MTHFD2L: variants seen among roughly 807,000 people sequenced by gnomAD.
MTHFD2L encodes the protein methylenetetrahydrofolate dehydrogenase (NADP+ dependent) 2 like, also known as bifunctional methylenetetrahydrofolate dehydrogenase/cyclohydrolase 2, mitochondrial.
Under a neutral mutation model 34.9 loss-of-function variants are expected in MTHFD2L, and 29 were observed. The ratio of observed to expected loss-of-function variants is 0.83; its 90% confidence interval spans 0.62 to 1.13. The LOEUF (loss-of-function observed/expected upper bound fraction) is 1.13, where lower values mean the gene tolerates loss of function less well. Among genes scored for constraint, MTHFD2L ranks in the 50% most tolerant of loss-of-function variants. MTHFD2L has a pLI of 0.00. For missense variants in MTHFD2L, 481 were observed against 446.5 expected, an observed-to-expected ratio of 1.08 and a Z score of -0.70; for synonymous variants, 167 against 155.7, an observed-to-expected ratio of 1.07 and a Z score of -0.54.
intron 5 of MTHFD2L, among the ~76,000 whole-genome samples, chr4:74,222,852 T>G (rs529402218): frequency 6.6e-6 from 1 of 152,022 alleles, no homozygotes; most frequent in African/African-American, 2.4e-5. Context: ...TTTTTTTACA[T>G]GAATCATTTG....
intron 3 of MTHFD2L, among the ~76,000 whole-genome samples, chr4:74,198,792 A>C (rs1305083169): frequency 6.6e-6 from 1 of 152,094 alleles, no homozygotes; most frequent in African/African-American, 2.4e-5. Flanking sequence ...CTTTCCAAAG[A>C]CTCAGTTTCT....
chr4:74,267,818 G>C, intron 6 of MTHFD2L: 1 of 985,338 alleles, frequency 1.0e-6, no homozygotes. Flanking sequence ...CAAGGCAGAA[G>C]GTGATGGAAC....
At chr4:74,255,164 AT>A (rs1743862002) in intron 6 of MTHFD2L, among the ~76,000 whole-genome samples, 3 of 146,524 alleles carry the variant, frequency 2.0e-5, no homozygotes, top group African/African-American at 7.4e-5. Context: ...AAAAAAAAGA[AT>A]TAGTTAATGG....
At chr4:74,222,975 A>G (rs922680728) in intron 5 of MTHFD2L, among the ~76,000 whole-genome samples, 11 of 152,104 alleles carry the variant, frequency 7.2e-5, no homozygotes, top group African/African-American at 2.2e-4. Flanking sequence ...ATGTTTATAC[A>G]TCATTGGTGG....
chr4:74,128,487 T>G (rs565721258), intron 1 of MTHFD2L, among the ~76,000 whole-genome samples: 1 of 152,268 alleles, frequency 6.6e-6, no homozygotes, highest in South Asian at 2.1e-4. Flanking sequence ...CTTCCCCCAT[T>G]GTCTATTCTT....
chr4:74,159,713 G>A (rs1287954037), intron 1 of MTHFD2L, among the ~76,000 whole-genome samples: 1 of 152,138 alleles, frequency 6.6e-6, no homozygotes, highest in East Asian at 1.9e-4. Flanking sequence ...TACACATAAT[G>A]ACCTCTTTAT....
At chr4:74,204,628 ATTT>A (rs1284420409) in intron 5 of MTHFD2L, among the ~76,000 whole-genome samples, 1 of 152,174 alleles carries the variant, frequency 6.6e-6, no homozygotes, top group African/African-American at 2.4e-5. Flanking sequence ...TTTACAATAT[ATTT>A]TTAATAGGTA....
intron 6 of MTHFD2L, chr4:74,280,278 A>G (rs1327432009): frequency 6.6e-6 from 1 of 152,134 alleles, no homozygotes; most frequent in Non-Finnish European, 1.5e-5. Flanking sequence ...CAGTCCAAGC[A>G]TTAAGAGGCT....
intron 1 of MTHFD2L, among the ~76,000 whole-genome samples, chr4:74,173,099 A>G (rs906245294): frequency 4.6e-5 from 7 of 151,990 alleles, no homozygotes; most frequent in South Asian, 2.1e-4. Flanking sequence ...ATTTACCTAC[A>G]TTTGATGTTT....
chr4:74,252,347 G>A (rs559220147), intron 6 of MTHFD2L, among the ~76,000 whole-genome samples: 2 of 152,262 alleles, frequency 1.3e-5, no homozygotes, highest in Admixed American at 1.3e-4. Context: ...TGTAGGATGA[G>A]ATATCTCGGG....
intron 6 of MTHFD2L, chr4:74,266,824 A>G: frequency 1.0e-6 from 1 of 984,574 alleles, no homozygotes; most frequent in Non-Finnish European, 1.2e-6. Flanking sequence ...TTGTAGGAGA[A>G]GGGAAAATCT....
upstream of MTHFD2L, chr4:74,157,035 A>G (rs1458540732): frequency 1.3e-5 from 2 of 152,198 alleles, no homozygotes; most frequent in Non-Finnish European, 2.9e-5. Flanking sequence ...GCATGGCAGA[A>G]GTTTAAATTG....
At chr4:74,207,732 C>T (rs1735586541) in intron 5 of MTHFD2L, among the ~76,000 whole-genome samples, 1 of 147,762 alleles carries the variant, frequency 6.8e-6, no homozygotes, top group African/African-American at 2.5e-5. Context: ...AATGCCTTCC[C>T]TTTGTGAGAA....
At chr4:74,278,578 C>T (rs1217515130) in intron 6 of MTHFD2L, among the ~76,000 whole-genome samples, 1 of 152,038 alleles carries the variant, frequency 6.6e-6, no homozygotes, top group East Asian at 1.9e-4. Flanking sequence ...TTTCTGGGGC[C>T]CGATCAAGCA....
chr4:74,245,345 A>G (rs1253494966), intron 6 of MTHFD2L, among the ~76,000 whole-genome samples: 1 of 151,950 alleles, frequency 6.6e-6, no homozygotes, highest in Non-Finnish European at 1.5e-5. Context: ...ATTTATTTTA[A>G]CATGTAATAG....
At chr4:74,289,218 G>A (rs557875543) in intron 7 of MTHFD2L, among the ~76,000 whole-genome samples, 2 of 152,296 alleles carry the variant, frequency 1.3e-5, no homozygotes, top group East Asian at 1.9e-4. Flanking sequence ...AGATAAGAGG[G>A]CTAGAGAATG....
intron 2 of MTHFD2L, among the ~76,000 whole-genome samples, chr4:74,116,174 C>A (rs771526355): frequency 6.6e-6 from 1 of 152,148 alleles, no homozygotes; most frequent in Non-Finnish European, 1.5e-5. Flanking sequence ...TATATTAGGA[C>A]ACATTCTGAT....
rs1728653715 is a variant in MTHFD2L at position 74,174,540 on chromosome 4, G to A, written c.178G>A (p.Ala60Thr). ...CATTATTATATCAGGAACCGAAATGGCCAAGCATATCCAGAAAGAAATACA... is the reference window on the plus strand; with the variant it reads ...CATTATTATATCAGGAACCGAAATGACCAAGCATATCCAGAAAGAAATACA... ...EAIIISGTEM[A>T]KHIQKEIQRG... The change falls in exon 2 of 8, where the codon GCC becomes ACC. Residue 60 changes from alanine to threonine, a missense_variant. By Grantham distance (58) the Ala-to-Thr change is moderately conservative. Coordinates refer to ENST00000325278, the MANE Select transcript of MTHFD2L (RefSeq NM_001144978.3). 1.3e-6 allele frequency: 2 copies of A among 1,586,378 alleles called. No homozygotes were observed. Among genetic ancestry groups the A allele is most frequent in the Non-Finnish European group, 1.7e-6 (2 of 1,167,886 alleles).
chr4:74,203,508 C>G (rs1734790881), intron 5 of MTHFD2L, among the ~76,000 whole-genome samples: 1 of 152,116 alleles, frequency 6.6e-6, no homozygotes, highest in Admixed American at 6.5e-5. Context: ...GCGGGCTGTA[C>G]TAGAAGCATG....
Sources: allele counts gnomAD v4.1 joint callset (sites outside exome capture counted in the v4.1 genomes callset), GRCh38; gene constraint gnomAD v4.1.1; transcripts MANE v1.5; gene names NCBI Gene and HGNC (gene_info 2026-07-23, HGNC 2026-07-21).